The following C10orf67 variants were observed in gnomAD, a reference collection of about 807,000 sequenced individuals.
The protein encoded by C10orf67 is uncharacterized protein C10orf67, mitochondrial.
Under a neutral mutation model 35.6 loss-of-function variants are expected in C10orf67, and 60 were observed. The ratio of observed to expected loss-of-function variants is 1.68; its 90% CI spans 1.37 to 2.09. The LOEUF (loss-of-function observed/expected upper bound fraction) is 2.09. Among genes scored for constraint, C10orf67 ranks in the 30% most tolerant of loss-of-function variants. The probability of loss-of-function intolerance (pLI) is 0.00; values close to 1 mark genes in which losing one functional copy is unlikely to be tolerated. For missense variants in C10orf67, 474 were observed against 330.2 expected (o/e 1.44, Z -3.38); for synonymous variants, 167 against 115.8 (o/e 1.44, Z -2.84).
intron 8 of C10orf67, 94 bp from the exon 9 acceptor site, chr10:23,267,348 C>A (rs931716872): frequency 1.2e-5 from 7 of 566,516 alleles, no homozygotes; most frequent in Non-Finnish European, 1.9e-5. Context: ...GAAAGAGTAA[C>A]GTTTTAAACC....
At chr10:23,242,014 C>G (rs910322664) in intron 12 of C10orf67, among the ~76,000 whole-genome samples, 6 of 151,998 alleles carry the variant, frequency 3.9e-5, no homozygotes, top group Non-Finnish European at 7.4e-5. Flanking sequence ...CTCTGTTGCC[C>G]AGGCTGGAGT....
At chr10:23,289,641 T>C (rs1207653675) in intron 7 of C10orf67, among the ~76,000 whole-genome samples, 1 of 152,250 alleles carries the variant, frequency 6.6e-6, no homozygotes, top group Non-Finnish European at 1.5e-5. Context: ...CTCTGTGTCA[T>C]GTAACTATTC....
At chr10:23,344,140 G>A (rs1846039338) in intron 1 of C10orf67, 1 of 150,696 alleles carries the variant, frequency 6.6e-6, no homozygotes, top group Non-Finnish European at 1.3e-5. Context: ...GGAGGGCCGC[G>A]AGTGGAGGGG....
At chr10:23,300,946 T>C (rs1844052577) in intron 5 of C10orf67, among the ~76,000 whole-genome samples, 1 of 152,282 alleles carries the variant, frequency 6.6e-6, no homozygotes, top group East Asian at 1.9e-4. Flanking sequence ...AGTAACATTG[T>C]ATCTGTCCAT....
At chr10:23,324,078 C>T (rs1011189464) in intron 2 of C10orf67, among the ~76,000 whole-genome samples, 1 of 150,130 alleles carries the variant, frequency 6.7e-6, no homozygotes, top group African/African-American at 2.5e-5. Context: ...CACCTCCTCA[C>T]CAGCACCCGA....
chr10:23,334,709 C>T (rs1845607429), intron 1 of C10orf67, among the ~76,000 whole-genome samples: 2 of 152,150 alleles, frequency 1.3e-5, no homozygotes, highest in Non-Finnish European at 2.9e-5. Flanking sequence ...AAGAGGGAGA[C>T]ATTAGGAAGG....
At chr10:23,307,036 T>C (rs887575742) in intron 4 of C10orf67, among the ~76,000 whole-genome samples, 1 of 152,162 alleles carries the variant, frequency 6.6e-6, no homozygotes, top group African/African-American at 2.4e-5. Flanking sequence ...ATTGCCTCAA[T>C]AGACTGGAAT....
At chr10:23,292,771 TC>T (rs1385094824) in intron 5 of C10orf67, among the ~76,000 whole-genome samples, 1 of 151,742 alleles carries the variant, frequency 6.6e-6, no homozygotes, top group African/African-American at 2.4e-5. Context: ...TAAAATATGT[TC>T]TTAAATTTTG....
At chr10:23,333,019 G>A (rs1417543870) in intron 2 of C10orf67, 43 bp downstream of exon 2, 27 of 1,585,656 alleles carry the variant, frequency 1.7e-5, no homozygotes, top group African/African-American at 4.0e-5. Context: ...GGCAATTAAC[G>A]CCAAAAATTA....
chr10:23,301,936 G>T (rs756853482), intron 5 of C10orf67, among the ~76,000 whole-genome samples: 1 of 152,216 alleles, frequency 6.6e-6, no homozygotes. Context: ...GGCAATGGGC[G>T]CCCCGCTGGA....
chr10:23,217,000 A>C (rs1444525389), intron 15 of C10orf67, among the ~76,000 whole-genome samples: 1 of 152,226 alleles, frequency 6.6e-6, no homozygotes, highest in African/African-American at 2.4e-5. Context: ...AATATCTGAA[A>C]TATTTCCTCA....
intron 13 of C10orf67, among the ~76,000 whole-genome samples, chr10:23,225,621 A>T (rs1841713803): frequency 6.6e-6 from 1 of 152,164 alleles, no homozygotes. Flanking sequence ...CATTCAGGAG[A>T]CCTACCTCAC....
rs61708569 is a variant in C10orf67 at position 23,334,509 on chromosome 10, C to A, written c.207-1327G>T. Among the ~76,000 whole-genome samples, 318 of 152,358 alleles carry A rather than the reference C, an allele frequency of 2.1e-3. 5 individuals carry two copies. The East Asian group carries it at 0.031, about 15-fold the overall frequency. On this transcript the variant is annotated intron_variant, in intron 1 of 15. Transcript: ENST00000636213. ...CTGCTGACGAGAGCATACCCCCATG[C>A]GGGGCACCCCATGGCAACTCCCCTC...
At chr10:23,270,773 C>A (rs1842996396) in intron 8 of C10orf67, among the ~76,000 whole-genome samples, 1 of 152,206 alleles carries the variant, frequency 6.6e-6, no homozygotes, top group Non-Finnish European at 1.5e-5. Context: ...CCAGGTGGTT[C>A]ACATGAGGAG....
At chr10:23,279,131 G>A (rs754116516) in intron 8 of C10orf67, among the ~76,000 whole-genome samples, 24 of 152,206 alleles carry the variant, frequency 1.6e-4, no homozygotes, top group Admixed American at 3.9e-4. Flanking sequence ...TGAAGGCTAT[G>A]CAGGACTAAT....
At chr10:23,246,341 CT>C (rs1842316163) in intron 12 of C10orf67, among the ~76,000 whole-genome samples, 1 of 152,014 alleles carries the variant, frequency 6.6e-6, no homozygotes, top group Non-Finnish European at 1.5e-5. Context: ...CACATATCCC[CT>C]GACCTAAAAT....
At chr10:23,223,280 T>G (rs1321328133) in intron 15 of C10orf67, among the ~76,000 whole-genome samples, 2 of 151,978 alleles carry the variant, frequency 1.3e-5, no homozygotes, top group Non-Finnish European at 2.9e-5. Context: ...AGGTAGAGTC[T>G]TATATGTTGC....
chr10:23,306,296 C>T (rs957463983), intron 4 of C10orf67, among the ~76,000 whole-genome samples: 3 of 151,980 alleles, frequency 2.0e-5, no homozygotes, highest in East Asian at 3.9e-4. Context: ...GAGCCCTAGG[C>T]GGGCAAATCA....
intron 12 of C10orf67, among the ~76,000 whole-genome samples, chr10:23,246,763 C>T (rs907020598): frequency 3.3e-5 from 5 of 151,294 alleles, no homozygotes; most frequent in African/African-American, 7.3e-5. Context: ...AAGTTTAAAA[C>T]GTAAAAAATA....
Sources: gnomAD v4.1 joint callset for allele counts (sites outside exome capture counted in the v4.1 genomes callset) on GRCh38, gnomAD v4.1.1 for gene constraint, MANE v1.5 for transcripts, NCBI Gene and HGNC (gene_info 2026-07-23, HGNC 2026-07-21) for gene names.